The following A1CF variants were observed in gnomAD, a reference collection of about 807,000 sequenced individuals.
The protein encoded by A1CF is APOBEC-1 stimulating protein.
A neutral mutation model predicts 68.9 loss-of-function variants in A1CF; 48 were observed. That is an observed-to-expected ratio of 0.70 (90% CI 0.55 to 0.89). The LOEUF is 0.89. Ranked by LOEUF, A1CF falls within the 40% of genes least tolerant of loss-of-function variation. The pLI, the probability that A1CF is intolerant of heterozygous loss-of-function variation, is 0.00. For synonymous variants in A1CF, 272 were observed against 260.4 expected, an observed-to-expected ratio of 1.04 and a Z score of -0.43; for missense variants, 653 against 718.9, an observed-to-expected ratio of 0.91 and a Z score of 1.05.
At chr10:50,830,725 C>T (rs143720145) in intron 6 of A1CF, among the ~76,000 whole-genome samples, 3 of 152,190 alleles carry the variant, frequency 2.0e-5, no homozygotes, top group East Asian at 1.9e-4. Context: ...CAGTCTCTAT[C>T]GAAATTCCAG....
In A1CF at chr10:50,800,583, T is replaced by G. The variant is rs750823071; in HGVS notation, c.*6146A>C. ...AATATATGTATTTGTATTCACAGTT[T>G]CTGGTATAAGAGTAGGTGCATAGTA... On this transcript the variant is annotated 3_prime_UTR_variant, in exon 13 of 13. Transcript: ENST00000373997. The G allele has an allele frequency of 6.6e-6, 1 of 152,140 alleles. No homozygotes were observed. The highest frequency in any genetic ancestry group is 1.5e-5 in the Non-Finnish European group (1 of 68,022). 9.4% of individuals were successfully genotyped at this position (152,140 alleles called of 1,614,324 possible).
At chr10:50,824,167 A>C (rs1204233289) in intron 7 of A1CF, 1 of 152,112 alleles carries the variant, frequency 6.6e-6, no homozygotes, top group African/African-American at 2.4e-5. Context: ...GACACACTTT[A>C]GTCCCAAGAA....
At chr10:50,819,617 C>T (rs944949638) in intron 8 of A1CF, among the ~76,000 whole-genome samples, 2 of 152,204 alleles carry the variant, frequency 1.3e-5, no homozygotes, top group East Asian at 1.9e-4. Flanking sequence ...GGACCCTGAC[C>T]GATGCCAGAT....
intron 12 of A1CF, among the ~76,000 whole-genome samples, chr10:50,809,127 G>T (rs114771925): frequency 0.015 from 2,272 of 152,060 alleles, 56 homozygotes; most frequent in African/African-American, 0.052. Context: ...ATTTGTTGTG[G>T]GTACATAACA....
rs138355364 is a variant in A1CF at position 50,876,648 on chromosome 10, C to T, written c.-94+8933G>A. ...CGTCTCTAACCTGATGGCTTCTGGA[C>T]TGGAACTTACACTATTGCTTTTCTG... On this transcript the variant is annotated intron_variant, in intron 1 of 12. Coordinates refer to ENST00000373997, the MANE Select transcript of A1CF (RefSeq NM_014576.4). Among the ~76,000 whole-genome samples the T allele has an allele frequency of 2.0e-5, 3 of 152,260 alleles. No individual in the cohort carries two copies. The East Asian group carries it at 5.8e-4, about 29-fold the overall frequency.
intron 3 of A1CF, among the ~76,000 whole-genome samples, chr10:50,852,644 A>G (rs1208349552): frequency 6.6e-6 from 1 of 152,182 alleles, no homozygotes; most frequent in Non-Finnish European, 1.5e-5. Context: ...AACAGGCAAT[A>G]GAGGAAAAAG....
At chr10:50,866,527 A>C (rs933275809) in intron 1 of A1CF, among the ~76,000 whole-genome samples, 5 of 152,208 alleles carry the variant, frequency 3.3e-5, no homozygotes, top group Non-Finnish European at 7.3e-5. Context: ...CAGTGGGTCC[A>C]GTTTCAGGGA....
chr10:50,849,887 G>A (rs1374382085), intron 3 of A1CF, among the ~76,000 whole-genome samples: 3 of 141,034 alleles, frequency 2.1e-5, no homozygotes, highest in Middle Eastern at 4.6e-3. Context: ...TCCGCCTCCT[G>A]GCTTCACGCT....
intron 7 of A1CF, among the ~76,000 whole-genome samples, chr10:50,825,340 T>G (rs542064283): frequency 3.3e-5 from 5 of 152,186 alleles, no homozygotes; most frequent in African/African-American, 7.2e-5. Context: ...CAGAGTGTGT[T>G]TAAAGACACA....
intron 3 of A1CF, among the ~76,000 whole-genome samples, chr10:50,844,364 TA>T (rs947151624): frequency 4.1e-4 from 59 of 142,606 alleles, no homozygotes; most frequent in African/African-American, 1.5e-3. Flanking sequence ...GCTAGGCAAA[TA>T]TTTTTTTTTT....
intron 11 of A1CF, 93 bp from the exon 12 acceptor site, chr10:50,810,135 G>A (rs1838033581): frequency 1.4e-6 from 2 of 1,437,108 alleles, no homozygotes; most frequent in Non-Finnish European, 1.9e-6. Flanking sequence ...TAAGATGACT[G>A]GATGGTGGTA....
At chr10:50,881,591 A>T (rs1841775836) in intron 1 of A1CF, among the ~76,000 whole-genome samples, 1 of 152,186 alleles carries the variant, frequency 6.6e-6, no homozygotes, top group African/African-American at 2.4e-5. Flanking sequence ...TACTACTTAA[A>T]CCTAGTGATT....
At chr10:50,813,515 T>G (rs1361958417) in intron 10 of A1CF, among the ~76,000 whole-genome samples, 1 of 152,224 alleles carries the variant, frequency 6.6e-6, no homozygotes, top group African/African-American at 2.4e-5. Flanking sequence ...CCAGCCAACC[T>G]GGCTCACATA....
intron 1 of A1CF, among the ~76,000 whole-genome samples, chr10:50,869,566 T>C (rs1297223600): frequency 6.6e-6 from 1 of 152,142 alleles, no homozygotes; most frequent in Non-Finnish European, 1.5e-5. Context: ...TTGTCACCTC[T>C]CATAGAATAT....
intron 5 of A1CF, among the ~76,000 whole-genome samples, chr10:50,838,536 G>C (rs1401780091): frequency 2.0e-5 from 3 of 152,116 alleles, no homozygotes; most frequent in Non-Finnish European, 4.4e-5. Context: ...AATGGTTGTG[G>C]TTTGTCAGGC....
chr10:50,851,327 A>G (rs139274598), intron 3 of A1CF, among the ~76,000 whole-genome samples: 1 of 152,260 alleles, frequency 6.6e-6, no homozygotes, highest in Non-Finnish European at 1.5e-5. Flanking sequence ...ATGGAGGAAA[A>G]TGTTCATAGG....
intron 4 of A1CF, among the ~76,000 whole-genome samples, chr10:50,843,269 T>C (rs1035546310): frequency 2.3e-4 from 35 of 152,162 alleles, no homozygotes; most frequent in African/African-American, 8.4e-4. Flanking sequence ...CAGAATTAAG[T>C]CCTCATCATT....
chr10:50,806,963 G>C (rs894731788), intron 12 of A1CF, 83 bp from the exon 13 acceptor site: 1 of 1,398,912 alleles, frequency 7.1e-7, no homozygotes, highest in Non-Finnish European at 9.8e-7. Flanking sequence ...TTAGAAATAC[G>C]AACATTTAAC....
chr10:50,872,469 T>C (rs1841313807), intron 1 of A1CF, among the ~76,000 whole-genome samples: 1 of 152,152 alleles, frequency 6.6e-6, no homozygotes, highest in Admixed American at 6.6e-5. Flanking sequence ...ATTGTGTTCC[T>C]AATTACTAAT....
Sources: gnomAD v4.1 joint callset for allele counts (sites outside exome capture counted in the v4.1 genomes callset) on GRCh38, gnomAD v4.1.1 for gene constraint, MANE v1.5 for transcripts, NCBI Gene and HGNC (gene_info 2026-07-23, HGNC 2026-07-21) for gene names.